COL27A1: variants seen among roughly 807,000 people sequenced by gnomAD.
The protein encoded by COL27A1 is collagen alpha-1(XXVII) chain.
A neutral mutation model predicts 251.3 loss-of-function variants in COL27A1; 106 were observed. The observed-to-expected ratio is 0.42, with a 90% CI of 0.36 to 0.50. The LOEUF (loss-of-function observed/expected upper bound fraction) is 0.50. COL27A1 is among the 20% of genes least tolerant of loss of function. The pLI is 0.00. For missense variants in COL27A1, 2,325 were observed against 2,522.8 expected, an observed-to-expected ratio of 0.92 and a Z score of 1.68; for synonymous variants, 1,000 against 986.3, an observed-to-expected ratio of 1.01 and a Z score of -0.26.
At chr9:114,212,511 G>T (rs1162205326) in intron 12 of COL27A1, among the ~76,000 whole-genome samples, 1 of 152,234 alleles carries the variant, frequency 6.6e-6, no homozygotes, top group Non-Finnish European at 1.5e-5. Context: ...TGAAGGTTAG[G>T]TAGTGCTGAA....
chr9:114,306,433 G>T lies in COL27A1; in HGVS notation c.4939-87G>T. On this transcript the variant is annotated intron_variant, in intron 57 of 60. Coordinates refer to ENST00000356083, the MANE Select transcript of COL27A1 (RefSeq NM_032888.4). Reference sequence around the variant, plus strand: ...ACCGTGGAACCGAGATACCTCCCAGGTTGTGAGAACTGGGGGCTGTGGAGG... The same window carrying T: ...ACCGTGGAACCGAGATACCTCCCAGTTTGTGAGAACTGGGGGCTGTGGAGG... 11 of 1,367,146 alleles carry T rather than the reference G, an allele frequency of 8.0e-6. 1 individual carries two copies. In the South Asian group the frequency reaches 1.4e-4, roughly 18 times the overall value. The allele number at this position is 1,367,146 out of a possible 1,614,324, so 84.7% of individuals were successfully genotyped here.
At position 114,264,336 on chromosome 9, in the gene COL27A1, TC is replaced by T. The variant is rs774787993; in HGVS notation, c.3196-16del. 1 of 1,579,014 alleles carries T rather than the reference TC, an allele frequency of 6.3e-7. No homozygotes were observed. The highest frequency in any genetic ancestry group is 8.6e-7 in the Non-Finnish European group (1 of 1,160,848). ...AGACCCCTGCTGTCCGGTGTGCTAG[TC>T]CCTTTTTCCTATTCCAGGGCCCCCG... On this transcript the variant is annotated intron_variant, in intron 28 of 60. Transcript: ENST00000356083.
intron 3 of COL27A1, among the ~76,000 whole-genome samples, chr9:114,170,932 T>A (rs534049260): frequency 1.6e-4 from 25 of 152,050 alleles, no homozygotes; most frequent in Non-Finnish European, 2.5e-4. Context: ...CATGGTGAGG[T>A]CCATGGTCTC....
intron 21 of COL27A1, among the ~76,000 whole-genome samples, chr9:114,241,223 C>T (rs1401177145): frequency 6.6e-6 from 1 of 152,250 alleles, no homozygotes; most frequent in Non-Finnish European, 1.5e-5. Flanking sequence ...CTTCCCATGC[C>T]CCACCTACCT....
chr9:114,161,350 A>G (rs1848484532), intron 1 of COL27A1, among the ~76,000 whole-genome samples: 1 of 152,144 alleles, frequency 6.6e-6, no homozygotes, highest in South Asian at 2.1e-4. Context: ...GGCATGGCAA[A>G]TGAAATTCTC....
intron 1 of COL27A1, among the ~76,000 whole-genome samples, chr9:114,159,573 A>G (rs928902173): frequency 6.6e-6 from 1 of 152,240 alleles, no homozygotes; most frequent in Non-Finnish European, 1.5e-5. Context: ...CATTCATGGA[A>G]AAAATGATTC....
rs115078066 is a variant in COL27A1 at position 114,256,502 on chromosome 9, A to G, written c.3142-2039A>G. On this transcript the variant is annotated intron_variant, in intron 27 of 60. Transcript: ENST00000356083. ...AGCAAGACTCCATCTCAACAAAAAAAGATTATTATCCCCATTATTGGGGGT... is the reference window on the plus strand; with the variant it reads ...AGCAAGACTCCATCTCAACAAAAAAGGATTATTATCCCCATTATTGGGGGT... Among the ~76,000 whole-genome samples, 986 of 152,284 alleles carry G rather than the reference A, an allele frequency of 6.5e-3. 13 individuals carry two copies. The highest frequency in any genetic ancestry group is 0.022 in the African/African-American group (909 of 41,564).
In COL27A1 at chr9:114,169,087, C is replaced by T; in HGVS notation, c.1532C>T (p.Thr511Ile). The stretch of plus-strand genomic sequence containing the variant: ...CCACCAGCCACGATGGTACCTCCAA[C>T]TTCGGGCACCAGCACTCCCAGAACA... ...TRPPATMVPP[T>I]SGTSTPRTAP... The change falls in exon 3 of 61, where the codon ACT becomes ATT. Residue 511 changes from threonine (T) to isoleucine (I), a missense_variant. Thr to Ile is a moderately conservative substitution (Grantham distance 89). This residue lies in a region of COL27A1 where 1,183 missense variants were observed against 1,144.1 expected (regional missense o/e 1.03). Coordinates refer to ENST00000356083, the MANE Select transcript of COL27A1 (RefSeq NM_032888.4). 6.2e-7 allele frequency: 1 copy of T among 1,614,106 alleles called. No homozygotes were observed. The highest frequency in any genetic ancestry group is 8.5e-7 in the Non-Finnish European group (1 of 1,179,988).
Position 114,253,643 on chromosome 9 carries a change from C to T in COL27A1, c.3141+711C>T, listed in dbSNP as rs547687553. On this transcript the variant is annotated intron_variant, in intron 27 of 60. Coordinates refer to ENST00000356083, the MANE Select transcript of COL27A1 (RefSeq NM_032888.4). ...GACTATAATCCTGGGGCAGATCTGA[C>T]TGTATTCCTGGGGCAGATCATTTAA... Among the ~76,000 whole-genome samples the T allele has an allele frequency of 1.4e-4, 21 of 152,232 alleles. 1 individual carries two copies. The highest frequency in any genetic ancestry group is 6.8e-3 in the Middle Eastern group (2 of 294).
intron 7 of COL27A1, among the ~76,000 whole-genome samples, chr9:114,201,952 G>A (rs1829611122): frequency 6.6e-6 from 1 of 152,198 alleles, no homozygotes; most frequent in African/African-American, 2.4e-5. Flanking sequence ...CCCCTAGAAA[G>A]CTGTGTGGCC....
chr9:114,265,371 G>A (rs1358886593), intron 31 of COL27A1, 51 bp from the exon 32 acceptor site: 3 of 1,578,064 alleles, frequency 1.9e-6, no homozygotes, highest in East Asian at 4.5e-5. Context: ...ATCAAGACAG[G>A]GCAGAGAAGG....
chr9:114,222,117 C>T, intron 13 of COL27A1, 106 bp from the exon 14 acceptor site: 3 of 968,158 alleles, frequency 3.1e-6, no homozygotes, highest in Non-Finnish European at 5.0e-6. Context: ...AAGGAGTGTT[C>T]AGCTCTGAAA....
chr9:114,309,183 A>T, intron 59 of COL27A1, 77 bp from the exon 60 acceptor site: 1 of 1,192,826 alleles, frequency 8.4e-7, no homozygotes, highest in South Asian at 1.2e-5. Context: ...TGTTCCCTCC[A>T]TAGAGAGGCA....
intron 3 of COL27A1, among the ~76,000 whole-genome samples, chr9:114,172,103 C>T (rs530101976): frequency 2.0e-4 from 31 of 152,302 alleles, no homozygotes; most frequent in African/African-American, 3.6e-4. Flanking sequence ...TATCCCCTGT[C>T]CCCACCCTAG....
intron 57 of COL27A1, among the ~76,000 whole-genome samples, chr9:114,305,809 ATGGAT>A (rs1828998253): frequency 6.6e-6 from 1 of 152,190 alleles, no homozygotes; most frequent in Non-Finnish European, 1.5e-5. Flanking sequence ...GGCAGAAGAA[ATGGAT>A]TGGGTGAGCG....
At chr9:114,199,045 T>C (rs867896483) in intron 7 of COL27A1, among the ~76,000 whole-genome samples, 36 of 152,176 alleles carry the variant, frequency 2.4e-4, no homozygotes, top group African/African-American at 8.2e-4. Flanking sequence ...GCCAATCTGG[T>C]AGCACTAGTC....
At chr9:114,264,858 G>T in intron 29 of COL27A1, 66 bp from the exon 30 acceptor site, 1 of 1,527,876 alleles carries the variant, frequency 6.5e-7, no homozygotes. Flanking sequence ...ATGTGGAGGG[G>T]TCCCTTTTTG....
At position 114,283,782 on chromosome 9, in the gene COL27A1, C is replaced by T. The variant is rs372854613; in HGVS notation, c.3933+20C>T. On this transcript the variant is annotated intron_variant, in intron 40 of 60. Coordinates refer to ENST00000356083, the MANE Select transcript of COL27A1 (RefSeq NM_032888.4). ...TATGATGTAAGCAGATATCACCTCA[C>T]CCCACCCCCCGACTCTGTCCTGCAG... 2 of 1,613,066 alleles carry T rather than the reference C, an allele frequency of 1.2e-6. No homozygotes were observed. The highest frequency in any genetic ancestry group is 1.7e-5 in the Admixed American group (1 of 59,978).
At chr9:114,223,041 T>G (rs1433963371) in intron 14 of COL27A1, among the ~76,000 whole-genome samples, 1 of 152,080 alleles carries the variant, frequency 6.6e-6, no homozygotes, top group Non-Finnish European at 1.5e-5. Flanking sequence ...CTGACCTGAC[T>G]CCATCCAGGT....
Sources: allele counts gnomAD v4.1 joint callset (sites outside exome capture counted in the v4.1 genomes callset), GRCh38; gene constraint gnomAD v4.1.1; regional missense constraint gnomAD v4.1.1; transcripts MANE v1.5; gene names NCBI Gene and HGNC (gene_info 2026-07-23, HGNC 2026-07-21).